GREB1: variants seen among roughly 807,000 people sequenced by gnomAD.
GREB1 encodes the protein growth regulating estrogen receptor binding 1.
GREB1 carries 106 observed loss-of-function variants against 200.7 expected under a neutral mutation model. The ratio of observed to expected loss-of-function variants is 0.53; its 90% CI spans 0.45 to 0.62. The LOEUF (loss-of-function observed/expected upper bound fraction) is 0.62, where lower values mean the gene tolerates loss of function less well. Ranked by LOEUF, GREB1 falls within the 20% of genes least tolerant of loss-of-function variation. The pLI, the probability that GREB1 is intolerant of heterozygous loss-of-function variation, is 0.00. For synonymous variants in GREB1, 1,132 were observed against 1,092.4 expected (o/e 1.04, Z -0.72); for missense variants, 2,243 against 2,556.8 (o/e 0.88, Z 2.65).
At position 11,627,053 on chromosome 2, in the gene GREB1, C is replaced by T. The variant is rs1282761673; in HGVS notation, c.4398C>T (p.Tyr1466=). 6 of 1,613,574 alleles carry T rather than the reference C, an allele frequency of 3.7e-6. No homozygotes were observed. Among genetic ancestry groups the T allele is most frequent in the Non-Finnish European group, 5.1e-6 (6 of 1,179,744 alleles). The change falls in exon 25 of 33, where the codon TAC becomes TAT. Residue 1466 remains tyrosine (Y), a synonymous_variant. Coordinates refer to ENST00000381486, the MANE Select transcript of GREB1 (RefSeq NM_014668.4). The stretch of plus-strand genomic sequence containing the variant: ...CCAAGTACGCAGCGTACAACACTTA[C>T]CACCACTGTGAGCAGTGCCACCAGT... The part of the protein sequence containing the change: ...RLSKYAAYNT[Y]HHCEQCHQYM...
intron 11 of GREB1, among the ~76,000 whole-genome samples, chr2:11,594,507 A>C (rs1432341484): frequency 6.7e-6 from 1 of 150,272 alleles, no homozygotes; most frequent in Non-Finnish European, 1.5e-5. Flanking sequence ...GGCGTGCACC[A>C]CCATGCCCAG....
intron 27 of GREB1, 144 bp from the exon 28 acceptor site, chr2:11,632,745 G>A (rs1264512935): frequency 1.5e-6 from 1 of 648,612 alleles, no homozygotes; most frequent in East Asian, 2.7e-5. Flanking sequence ...TAGCCCATGG[G>A]CTGTGTTTTG....
chr2:11,515,280 C>G (rs780348233), intron 1 of GREB1, among the ~76,000 whole-genome samples: 9 of 152,122 alleles, frequency 5.9e-5, no homozygotes, highest in Non-Finnish European at 1.0e-4. Context: ...GCAGAGGGAA[C>G]AGAGATTGAA....
chr2:11,552,483 A>G (rs1279426205), intron 1 of GREB1, among the ~76,000 whole-genome samples: 1 of 152,152 alleles, frequency 6.6e-6, no homozygotes, highest in African/African-American at 2.4e-5. Context: ...TTAGTGTGTG[A>G]CCTTGAACTA....
At chr2:11,559,635 G>A (rs958470279) in intron 2 of GREB1, among the ~76,000 whole-genome samples, 16 of 152,178 alleles carry the variant, frequency 1.1e-4, no homozygotes, top group African/African-American at 3.4e-4. Flanking sequence ...CATCCCCTCT[G>A]AGCCTCTGTG....
chr2:11,511,425 G>A (rs979158979), intron 1 of GREB1, among the ~76,000 whole-genome samples: 3 of 152,160 alleles, frequency 2.0e-5, no homozygotes, highest in African/African-American at 7.2e-5. Context: ...GCAGGGGATG[G>A]CATTCTAGGT....
intron 25 of GREB1, 26 bp downstream of exon 25, chr2:11,627,130 G>A (rs780988737): frequency 1.9e-6 from 3 of 1,549,068 alleles, no homozygotes; most frequent in East Asian, 4.6e-5. Context: ...TCCCCACCAG[G>A]CATTTCACCT....
chr2:11,506,529 A>G (rs1673187491), intron 1 of GREB1, among the ~76,000 whole-genome samples: 1 of 152,156 alleles, frequency 6.6e-6, no homozygotes, highest in Non-Finnish European at 1.5e-5. Context: ...AAAAGAGTGG[A>G]GATTTAGTTG....
intron 22 of GREB1, among the ~76,000 whole-genome samples, chr2:11,619,511 C>CT (rs1683825450): frequency 6.6e-6 from 1 of 152,168 alleles, no homozygotes; most frequent in African/African-American, 2.4e-5. Context: ...AACAATATTA[C>CT]TTTTTCTGAT....
At chr2:11,523,814 G>T (rs1673783325) in intron 1 of GREB1, among the ~76,000 whole-genome samples, 1 of 152,206 alleles carries the variant, frequency 6.6e-6, no homozygotes, top group Non-Finnish European at 1.5e-5. Context: ...TGTGTTCACA[G>T]CCTGTGCAGC....
chr2:11,490,341 C>T (rs1052162532), intron 1 of GREB1, among the ~76,000 whole-genome samples: 4 of 152,130 alleles, frequency 2.6e-5, no homozygotes, highest in African/African-American at 9.7e-5. Flanking sequence ...TTCTTTTACT[C>T]GGCATGTGTT....
intron 2 of GREB1, among the ~76,000 whole-genome samples, chr2:11,558,234 CAG>C (rs1228976289): frequency 2.1e-4 from 32 of 152,300 alleles, no homozygotes; most frequent in African/African-American, 7.7e-4. Flanking sequence ...TGAGTAGACT[CAG>C]GGCTGCCCAC....
chr2:11,587,741 A>ACACACGCGCGCGCG lies in GREB1; in HGVS notation c.1160-1004_1160-1003insACACGCGCGCGCGC. 1.1e-4 allele frequency: 87 copies of ACACACGCGCGCGCG among 788,386 alleles called. 2 individuals are homozygous for ACACACGCGCGCGCG. Among genetic ancestry groups the ACACACGCGCGCGCG allele is most frequent in the South Asian group, 7.5e-4 (17 of 22,654 alleles). The allele number at this position is 788,386 out of a possible 1,614,324, so 48.8% of individuals were successfully genotyped here. A position where few individuals can be genotyped will look rare whatever the true frequency, so the allele number is the denominator to read the frequency against. ...CACACACACACACACACACACACAC[A>ACACACGCGCGCGCG]CGCCACCTTTGGGAGCTCAGCAGCC... On this transcript the variant is annotated intron_variant, in intron 9 of 32. Transcript: ENST00000381486.
At position 11,509,059 on chromosome 2, in the gene GREB1, T is replaced by C. The variant is rs184966509; in HGVS notation, c.-159+26678T>C. ...CCGGCTAATTTTTTTGTATTTTTAG[T>C]AGAGACGGGGTTTCACCGTGTTAGC... On this transcript the variant is annotated intron_variant, in intron 1 of 2. Transcript: ENST00000628795. 2.7e-3 allele frequency among the ~76,000 whole-genome samples: 406 copies of C among 151,680 alleles called. 1 individual carries two copies. The highest frequency in any genetic ancestry group is 9.4e-3 in the African/African-American group (388 of 41,210).
chr2:11,570,401 T>TA (rs202175567), intron 4 of GREB1, among the ~76,000 whole-genome samples: 14,519 of 132,190 alleles, frequency 0.11, 2,452 homozygotes, highest in African/African-American at 0.36. Context: ...GAAACTCCAT[T>TA]AAAAAAAAAA....
At chr2:11,592,189 T>A in intron 10 of GREB1, 2 of 366,396 alleles carry the variant, frequency 5.5e-6, no homozygotes, top group South Asian at 1.1e-4. Flanking sequence ...TTTTTTTTCT[T>A]TTTTTTTTTT....
intron 9 of GREB1, among the ~76,000 whole-genome samples, chr2:11,586,395 A>G (rs1680096448): frequency 6.6e-6 from 1 of 152,264 alleles, no homozygotes; most frequent in Admixed American, 6.5e-5. Flanking sequence ...CTGTAGAAGC[A>G]TCAAACAAAA....
chr2:11,542,822 G>A (rs1392732703), intron 1 of GREB1: 1 of 152,668 alleles, frequency 6.6e-6, no homozygotes, highest in Non-Finnish European at 1.5e-5. Flanking sequence ...AACAAAGTGA[G>A]TTCAGGTAAT....
At chr2:11,547,928 T>TC (rs1675440469) in intron 1 of GREB1, among the ~76,000 whole-genome samples, 1 of 152,156 alleles carries the variant, frequency 6.6e-6, no homozygotes, top group Non-Finnish European at 1.5e-5. Context: ...ACTCCTGTAA[T>TC]CCAAGTGCTT....
Sources: gnomAD v4.1 joint callset for allele counts (sites outside exome capture counted in the v4.1 genomes callset) on GRCh38, gnomAD v4.1.1 for gene constraint, MANE v1.5 for transcripts, NCBI Gene and HGNC (gene_info 2026-07-23, HGNC 2026-07-21) for gene names.